SNX2: variants seen among roughly 807,000 people sequenced by gnomAD.
The protein encoded by SNX2 is sorting nexin-2.
In SNX2, 25 loss-of-function variants were observed where a neutral mutation model predicts 69.9. The observed-to-expected ratio is 0.36, with a 90% CI of 0.26 to 0.50. The LOEUF is 0.50. Ranked by LOEUF, SNX2 falls within the 20% of genes least tolerant of loss-of-function variation. The probability of loss-of-function intolerance (pLI) is 0.97; values close to 1 mark genes in which losing one functional copy is unlikely to be tolerated. For synonymous variants in SNX2, 229 were observed against 200.4 expected, an observed-to-expected ratio of 1.14 and a Z score of -1.20; for missense variants, 551 against 613.3, an observed-to-expected ratio of 0.90 and a Z score of 1.07.
At chr5:122,824,215 A>G (rs1214506774) in intron 11 of SNX2, among the ~76,000 whole-genome samples, 2 of 151,782 alleles carry the variant, frequency 1.3e-5, no homozygotes, top group African/African-American at 2.4e-5. Flanking sequence ...AAAAAAAAAA[A>G]AAAAGAAAAT....
intron 1 of SNX2, among the ~76,000 whole-genome samples, chr5:122,776,215 A>C (rs1448717041): frequency 6.6e-6 from 1 of 152,188 alleles, no homozygotes; most frequent in African/African-American, 2.4e-5. Flanking sequence ...CTCTGCACCA[A>C]ATCAATTGGA....
At chr5:122,814,985 G>A (rs527306928) in intron 7 of SNX2, among the ~76,000 whole-genome samples, 257 of 151,764 alleles carry the variant, frequency 1.7e-3, no homozygotes, top group African/African-American at 5.5e-3. Flanking sequence ...TCCTGACCTC[G>A]TGATCCACCC....
chr5:122,824,297 TG>T (rs1427286478), intron 11 of SNX2, among the ~76,000 whole-genome samples: 1 of 152,058 alleles, frequency 6.6e-6, no homozygotes, highest in African/African-American at 2.4e-5. Flanking sequence ...GTTTTATGTG[TG>T]GCCCAAGACA....
intron 12 of SNX2, 133 bp from the exon 13 acceptor site, chr5:122,827,246 A>T (rs1581649450): frequency 3.0e-6 from 2 of 670,186 alleles, no homozygotes. Context: ...ATTTCTGTTG[A>T]TGCTAAATTG....
intron 1 of SNX2, among the ~76,000 whole-genome samples, chr5:122,779,904 GC>G (rs1561437872): frequency 1.3e-5 from 2 of 151,870 alleles, no homozygotes; most frequent in African/African-American, 2.4e-5. Context: ...CCCCTTACAG[GC>G]CCCAGTTTGT....
chr5:122,822,533 G>A (rs980315770), intron 11 of SNX2, among the ~76,000 whole-genome samples: 1 of 152,232 alleles, frequency 6.6e-6, no homozygotes, highest in Admixed American at 6.5e-5. Flanking sequence ...TTCAAATTAG[G>A]AATACTTTGG....
At chr5:122,807,868 A>G (rs922173309) in intron 6 of SNX2, among the ~76,000 whole-genome samples, 2 of 152,190 alleles carry the variant, frequency 1.3e-5, no homozygotes, top group Non-Finnish European at 2.9e-5. Context: ...AAGAATTTTA[A>G]TTATTGCTCA....
chr5:122,824,845 G>T (rs1754118380), intron 11 of SNX2, among the ~76,000 whole-genome samples: 1 of 152,108 alleles, frequency 6.6e-6, no homozygotes. Context: ...CATAATGGCT[G>T]TACCTACTGA....
chr5:122,807,361 C>T (rs1057442080), intron 6 of SNX2, among the ~76,000 whole-genome samples: 7 of 152,254 alleles, frequency 4.6e-5, no homozygotes, highest in African/African-American at 1.7e-4. Context: ...TTTATTACCC[C>T]AAAATGGAAT....
intron 11 of SNX2, among the ~76,000 whole-genome samples, chr5:122,825,357 C>A (rs191677000): frequency 3.0e-4 from 45 of 152,070 alleles, no homozygotes; most frequent in Middle Eastern, 3.4e-3. Context: ...TATTTCATTT[C>A]TTTTCTCTAT....
In SNX2 at chr5:122,799,832, A is replaced by T; in HGVS notation, c.367A>T (p.Ile123Phe). 4 of 1,612,106 alleles carry T rather than the reference A, an allele frequency of 2.5e-6. No homozygotes were observed. Among genetic ancestry groups the T allele is most frequent in the Non-Finnish European group, 3.4e-6 (4 of 1,178,806 alleles). The change falls in exon 3 of 15, where the codon ATC becomes TTC. Residue 123 changes from isoleucine to phenylalanine, a missense_variant. By Grantham distance (21) the Ile-to-Phe change is conservative (BLOSUM62 0). This residue lies in a region of SNX2 where 191 missense variants were observed against 162.9 expected (regional missense o/e 1.17). Coordinates refer to ENST00000379516, the MANE Select transcript of SNX2 (RefSeq NM_003100.4). The part of the protein sequence containing the change: ...IESKSMSAPV[I>F]FDRSREEIEE... The stretch of plus-strand genomic sequence containing the variant: ...ATCAAAGAGTATGTCTGCTCCCGTG[A>T]TCTTTGATAGATCCAGGGAAGAGGT...
intron 6 of SNX2, 173 bp downstream of exon 6, chr5:122,803,786 G>T (rs1753568406): frequency 5.9e-6 from 3 of 508,328 alleles, no homozygotes; most frequent in African/African-American, 2.0e-5. Context: ...GAATGTATTG[G>T]TAATAGTTTT....
intron 7 of SNX2, among the ~76,000 whole-genome samples, chr5:122,813,948 A>G (rs941705347): frequency 6.6e-6 from 1 of 151,448 alleles, no homozygotes; most frequent in African/African-American, 2.4e-5. Context: ...TAATTTTTGT[A>G]TTTTTAGTGG....
In SNX2 at chr5:122,815,978, T is replaced by C. The variant is rs1165890520; in HGVS notation, c.798+7T>C. 6.6e-7 allele frequency: 1 copy of C among 1,512,874 alleles called. No individual in the cohort carries two copies. The highest frequency in any genetic ancestry group is 9.1e-7 in the Non-Finnish European group (1 of 1,097,976). The allele number at this position is 1,512,874 out of a possible 1,614,324, so 93.7% of individuals were successfully genotyped here. Reference sequence around the variant, plus strand: ...GTTCTTGGAAAGTTCAGAGGTATTATTTCTATATTAAATGTTTGTATATGA... The same window carrying C: ...GTTCTTGGAAAGTTCAGAGGTATTACTTCTATATTAAATGTTTGTATATGA... On this transcript the variant is annotated splice_region_variant and intron_variant, in intron 8 of 14. Coordinates refer to ENST00000379516, the MANE Select transcript of SNX2 (RefSeq NM_003100.4).
chr5:122,784,350 T>G (rs879045776), intron 1 of SNX2, among the ~76,000 whole-genome samples: 1 of 151,970 alleles, frequency 6.6e-6, no homozygotes, highest in Non-Finnish European at 1.5e-5. Context: ...TTGTTTTTTT[T>G]AATGAGCTTA....
In SNX2 at chr5:122,823,725, T is replaced by C. The variant is rs1172735443; in HGVS notation, c.1213-2325T>C. Among the ~76,000 whole-genome samples, 9 of 150,910 alleles carry C rather than the reference T, an allele frequency of 6.0e-5. No individual in the cohort carries two copies. The East Asian group carries it at 1.8e-3, about 29-fold the overall frequency. ...GTGGTCGTGTGTATGTGGGTGTGTG[T>C]GTGTGTGTGTGTCGGAAGTGAGAGG... On this transcript the variant is annotated intron_variant, in intron 11 of 14. Coordinates refer to ENST00000379516, the MANE Select transcript of SNX2 (RefSeq NM_003100.4).
At position 122,832,116 on chromosome 5, in the gene SNX2, C is replaced by T. The variant is rs900950176; in HGVS notation, c.*2468C>T. ...TTTCATTGGATAGGTCTGAGTTTAG[C>T]GTTTGTTTGTTTTCTTAATGAGATC... On this transcript the variant is annotated 3_prime_UTR_variant, in exon 15 of 15. Transcript: ENST00000379516. Among the ~76,000 whole-genome samples the T allele has an allele frequency of 3.3e-5, 5 of 152,118 alleles. No homozygotes were observed. The highest frequency in any genetic ancestry group is 4.4e-5 in the Non-Finnish European group (3 of 68,014).
chr5:122,803,920 C>G (rs890867190), intron 6 of SNX2: 27 of 186,956 alleles, frequency 1.4e-4, no homozygotes, highest in Non-Finnish European at 2.2e-4. Flanking sequence ...AGGAAGATCA[C>G]TTGAGGTTAG....
rs775092542 is a variant in SNX2 at position 122,775,130 on chromosome 5, G to C, written c.27G>C (p.Pro9=). 1.3e-6 allele frequency: 2 copies of C among 1,593,940 alleles called. No homozygotes were observed. The highest frequency in any genetic ancestry group is 2.3e-5 in the East Asian group (1 of 44,032). ...TGGCGGCCGAGAGGGAACCTCCTCC[G>C]CTGGGGGACGGGAAGCCCACCGACT... is the stretch of plus-strand genomic sequence containing the variant. MAAEREPP[P]LGDGKPTDFE... is the part of the protein sequence containing the mutation. Residue 9 remains proline (P), a synonymous_variant, in exon 1 of 15, where the codon CCG becomes CCC. Transcript: ENST00000379516.
Sources: gnomAD v4.1 joint callset for allele counts (sites outside exome capture counted in the v4.1 genomes callset) on GRCh38, gnomAD v4.1.1 for gene constraint, gnomAD v4.1.1 regional missense constraint, MANE v1.5 for transcripts, NCBI Gene and HGNC (gene_info 2026-07-23, HGNC 2026-07-21) for gene names.